DOCK1: variants seen among roughly 807,000 people sequenced by gnomAD.
DOCK1 encodes the protein dedicator of cytokinesis 1, also known as dedicator of cytokinesis protein 1.
In DOCK1, 138 loss-of-function variants were observed where a neutral mutation model predicts 262.7. The ratio of observed to expected loss-of-function variants is 0.53; its 90% CI spans 0.46 to 0.61. The LOEUF is 0.61. Among genes scored for constraint, DOCK1 ranks in the 20% least tolerant of loss-of-function variants. The pLI is 0.00. For missense variants in DOCK1, 1,908 were observed against 2,370.7 expected, an observed-to-expected ratio of 0.80 and a Z score of 4.05; for synonymous variants, 866 against 867.4, an observed-to-expected ratio of 1.00 and a Z score of 0.03.
At chr10:127,265,393 A>G (rs369641346) in intron 29 of DOCK1, among the ~76,000 whole-genome samples, 6 of 152,140 alleles carry the variant, frequency 3.9e-5, no homozygotes, top group Non-Finnish European at 2.9e-5. Context: ...TTAAAAAAAA[A>G]AAATCATGGC....
chr10:127,201,425 C>T (rs1451541205), intron 27 of DOCK1, among the ~76,000 whole-genome samples: 13 of 152,190 alleles, frequency 8.5e-5, no homozygotes, highest in Non-Finnish European at 1.9e-4. Flanking sequence ...CTTTTCCTTT[C>T]ATGGTAAGAA....
chr10:127,382,401 A>G (rs2065874193), intron 37 of DOCK1, among the ~76,000 whole-genome samples: 1 of 152,168 alleles, frequency 6.6e-6, no homozygotes, highest in African/African-American at 2.4e-5. Context: ...TGCCCTAGAG[A>G]CCTGCGAGTA....
chr10:126,978,758 T>G (rs779895513), intron 3 of DOCK1, among the ~76,000 whole-genome samples: 1 of 152,228 alleles, frequency 6.6e-6, no homozygotes, highest in East Asian at 1.9e-4. Flanking sequence ...ATTTTACTTT[T>G]GTGTCCTAAA....
intron 29 of DOCK1, among the ~76,000 whole-genome samples, chr10:127,312,120 T>C (rs2062084437): frequency 6.6e-6 from 1 of 152,132 alleles, no homozygotes; most frequent in Non-Finnish European, 1.5e-5. Flanking sequence ...GCTTTTGTTT[T>C]CATGGCATTC....
At chr10:127,202,536 C>T (rs535447473) in intron 27 of DOCK1, among the ~76,000 whole-genome samples, 17 of 152,252 alleles carry the variant, frequency 1.1e-4, no homozygotes, top group African/African-American at 4.1e-4. Flanking sequence ...CTTGTTTGCC[C>T]TCCATCCCCA....
chr10:127,298,317 A>G (rs1397617121), intron 29 of DOCK1, among the ~76,000 whole-genome samples: 2 of 152,228 alleles, frequency 1.3e-5, no homozygotes, highest in Non-Finnish European at 2.9e-5. Flanking sequence ...GATTAATTAG[A>G]AAGTGAGTCC....
intron 6 of DOCK1, 34 bp from the exon 7 acceptor site, chr10:126,996,714 T>A: frequency 6.3e-7 from 1 of 1,581,888 alleles, no homozygotes; most frequent in Non-Finnish European, 8.6e-7. Flanking sequence ...CCTTGGTCTA[T>A]GTCTGTGAAC....
intron 1 of DOCK1, among the ~76,000 whole-genome samples, chr10:126,945,948 G>A (rs1481082042): frequency 2.0e-5 from 3 of 152,110 alleles, no homozygotes; most frequent in Non-Finnish European, 2.9e-5. Flanking sequence ...TGTGGTTTGC[G>A]GCATTCACTT....
At chr10:127,035,095 C>T (rs530278125) in intron 18 of DOCK1, among the ~76,000 whole-genome samples, 14 of 152,334 alleles carry the variant, frequency 9.2e-5, no homozygotes, top group South Asian at 6.2e-4. Flanking sequence ...TCACCAGCCA[C>T]GGTTCCCCTT....
chr10:127,433,466 AG>A (rs761665165), intron 48 of DOCK1, 38 bp downstream of exon 48: 3 of 1,605,536 alleles, frequency 1.9e-6, no homozygotes, highest in South Asian at 2.2e-5. Context: ...CTGAGCAGTG[AG>A]GGCTTGGGGG....
At chr10:127,441,349 C>T (rs1307831773) in intron 49 of DOCK1, among the ~76,000 whole-genome samples, 1 of 152,236 alleles carries the variant, frequency 6.6e-6, no homozygotes, top group Non-Finnish European at 1.5e-5. Context: ...AGCAAATCCA[C>T]AGGAACTCAC....
At position 127,012,248 on chromosome 10, in the gene DOCK1, G is replaced by A. The variant is rs763618926; in HGVS notation, c.1075G>A (p.Ala359Thr). Residue 359 changes from alanine (A) to threonine (T), a missense_variant, in exon 12 of 52, where the codon GCC becomes ACC. Transcript: ENST00000623213. This position sits in a 1 kb window ranked among gnomAD's most constrained non-coding sequence, Gnocchi z 4.0. ...GCCCTCCAGGCTCGCGTTGGACGAC[G>A]CCATTCGACACAAGCCGCTGAACAT... The part of the protein sequence containing the change: ...IPFQPLALDD[A>T]IRHKPLNMSS... 6.2e-7 allele frequency: 1 copy of A among 1,603,838 alleles called. No homozygotes were observed. The highest frequency in any genetic ancestry group is 8.5e-7 in the Non-Finnish European group (1 of 1,170,802).
intron 27 of DOCK1, among the ~76,000 whole-genome samples, chr10:127,190,368 C>A (rs1488638100): frequency 6.6e-6 from 1 of 152,170 alleles, no homozygotes; most frequent in Non-Finnish European, 1.5e-5. Flanking sequence ...CAAAAAGTTA[C>A]AAGTGGAAAT....
intron 29 of DOCK1, among the ~76,000 whole-genome samples, chr10:127,315,386 A>G (rs1450512003): frequency 6.6e-6 from 1 of 152,154 alleles, no homozygotes; most frequent in African/African-American, 2.4e-5. Context: ...GCCTCATCCC[A>G]TCTGACTGGT....
chr10:126,974,315 C>G (rs543323365), intron 2 of DOCK1, among the ~76,000 whole-genome samples: 3 of 152,274 alleles, frequency 2.0e-5, no homozygotes, highest in Admixed American at 2.0e-4. Flanking sequence ...GGAAATTGTC[C>G]TTTTGATTCA....
chr10:126,969,419 C>T (rs558698129), intron 1 of DOCK1, among the ~76,000 whole-genome samples: 32 of 152,176 alleles, frequency 2.1e-4, no homozygotes, highest in Non-Finnish European at 3.5e-4. Context: ...ATTCCTTGTA[C>T]GGCTAAGCAC....
chr10:127,331,121 G>A (rs1327205717), intron 29 of DOCK1, among the ~76,000 whole-genome samples: 1 of 152,162 alleles, frequency 6.6e-6, no homozygotes, highest in Non-Finnish European at 1.5e-5. Flanking sequence ...ATAGGAATGA[G>A]TTGTCTGCTT....
intron 27 of DOCK1, among the ~76,000 whole-genome samples, chr10:127,193,662 T>C (rs549042355): frequency 1.3e-5 from 2 of 152,376 alleles, no homozygotes; most frequent in African/African-American, 4.8e-5. Context: ...TTTTGATTTT[T>C]GGACTGCTTA....
chr10:127,228,152 C>G (rs1034397241), intron 27 of DOCK1, among the ~76,000 whole-genome samples: 2 of 152,126 alleles, frequency 1.3e-5, no homozygotes, highest in Non-Finnish European at 2.9e-5. Context: ...CAGTAAATAT[C>G]TGTCTTTAAT....
Sources: gnomAD v4.1 joint callset for allele counts (sites outside exome capture counted in the v4.1 genomes callset) on GRCh38, gnomAD v4.1.1 for gene constraint, Gnocchi (gnomAD v3.1) non-coding constraint, MANE v1.5 for transcripts, NCBI Gene and HGNC (gene_info 2026-07-23, HGNC 2026-07-21) for gene names.